The following NFIC variants were observed in gnomAD, a reference collection of about 807,000 sequenced individuals.
NFIC encodes the protein nuclear factor I C.
Under a neutral mutation model 54.4 loss-of-function variants are expected in NFIC, and 12 were observed. That is an observed-to-expected ratio of 0.22 (90% CI 0.14 to 0.36). NFIC has a LOEUF of 0.36. Ranked by LOEUF, NFIC falls within the 10% of genes least tolerant of loss-of-function variation. NFIC has a pLI of 1.00. For synonymous variants in NFIC, 322 were observed against 319.2 expected (o/e 1.01, Z -0.09); for missense variants, 575 against 718.2 (o/e 0.80, Z 2.28).
chr19:3,432,255 A>G (rs2082131373), intron 3 of NFIC, among the ~76,000 whole-genome samples: 1 of 152,018 alleles, frequency 6.6e-6, no homozygotes. Flanking sequence ...CCTTCCTTTA[A>G]TATTAGGTAG....
chr19:3,434,842 G>C (rs1338876589), intron 5 of NFIC, among the ~76,000 whole-genome samples: 3 of 152,132 alleles, frequency 2.0e-5, no homozygotes, highest in Non-Finnish European at 2.9e-5. Flanking sequence ...ATGCTAGCTT[G>C]GTGTCCGACC....
At chr19:3,396,455 G>C (rs376153656) in intron 2 of NFIC, among the ~76,000 whole-genome samples, 5 of 146,214 alleles carry the variant, frequency 3.4e-5, no homozygotes, top group African/African-American at 5.2e-5. Flanking sequence ...CGGGGCAACA[G>C]AGTGAGACTC....
intron 3 of NFIC, among the ~76,000 whole-genome samples, chr19:3,427,813 CAA>C (rs35768795): frequency 0.015 from 1,117 of 76,764 alleles, 14 homozygotes; most frequent in African/African-American, 0.047. Context: ...GAGACTCTGT[CAA>C]AAAAAAAAAA....
chr19:3,412,599 G>A (rs2081782168), intron 2 of NFIC, among the ~76,000 whole-genome samples: 1 of 151,984 alleles, frequency 6.6e-6, no homozygotes. Context: ...AACTGGGTTG[G>A]TGCATCCACA....
rs1203488556 is a variant in NFIC, at chr19:3,463,544, C to CG, written c.*776dup. On this transcript the variant is annotated 3_prime_UTR_variant, in exon 11 of 11. Transcript: ENST00000443272. ...GCCCCTCCCAAAGCGCCGGCCGACT[C>CG]GCTGTCTCGCTGGGGACTCTTTCAG... The CG allele has an allele frequency of 1.0e-6, 1 of 984,956 alleles. No homozygotes were observed. Among genetic ancestry groups the CG allele is most frequent in the Non-Finnish European group, 1.2e-6 (1 of 829,846 alleles). The allele number at this position is 984,956 out of a possible 1,614,324, so 61.0% of individuals were successfully genotyped here. A position where few individuals can be genotyped will look rare whatever the true frequency, so the allele number is the denominator to read the frequency against.
chr19:3,448,357 G>T (rs1326025090), intron 6 of NFIC, among the ~76,000 whole-genome samples: 1 of 152,226 alleles, frequency 6.6e-6, no homozygotes, highest in African/African-American at 2.4e-5. Flanking sequence ...ACAGGCATGA[G>T]CCACTGTGCC....
Position 3,400,623 on chromosome 19 carries a change from C to A in NFIC, c.562+18380C>A, listed in dbSNP as rs764717764. On this transcript the variant is annotated intron_variant, in intron 2 of 10. Transcript: ENST00000443272. ...TGGGGGGCCGAGGCGGGCAGATCAC[C>A]TGAGGTCAGGAGTTCAAGACCAGCC... Among the ~76,000 whole-genome samples, 85 of 151,690 alleles carry A rather than the reference C, an allele frequency of 5.6e-4. 1 individual carries two copies. Among genetic ancestry groups the A allele is most frequent in the Non-Finnish European group, 8.7e-4 (59 of 67,878 alleles).
Position 3,453,695 on chromosome 19 carries a change from G to A in NFIC, c.1270-68G>A. ...CGGGCCGTGCACAGAGCCGGGGGCGGCCGGCGCCAGCAGCCCGAGGTAGAG... is the reference window on the plus strand; with the variant it reads ...CGGGCCGTGCACAGAGCCGGGGGCGACCGGCGCCAGCAGCCCGAGGTAGAG... On this transcript the variant is annotated intron_variant, in intron 8 of 10. Transcript: ENST00000443272. The surrounding 1 kb of genome is among the most constrained non-coding windows in gnomAD (Gnocchi z 6.7). The A allele has an allele frequency of 2.0e-6, 3 of 1,521,206 alleles. No individual in the cohort carries two copies. The highest frequency in any genetic ancestry group is 2.6e-6 in the Non-Finnish European group (3 of 1,140,820). The allele number at this position is 1,521,206 out of a possible 1,614,324, so 94.2% of individuals were successfully genotyped here. A position where few individuals can be genotyped will look rare whatever the true frequency, so the allele number is the denominator to read the frequency against.
At chr19:3,393,026 C>T (rs146921835) in intron 2 of NFIC, among the ~76,000 whole-genome samples, 252 of 152,242 alleles carry the variant, frequency 1.7e-3, no homozygotes, top group Non-Finnish European at 2.2e-3. Flanking sequence ...CTGCAACCTC[C>T]GCCTCCTGAG....
intron 6 of NFIC, among the ~76,000 whole-genome samples, chr19:3,446,082 G>A (rs919726689): frequency 1.1e-4 from 17 of 152,116 alleles, no homozygotes; most frequent in African/African-American, 3.1e-4. Context: ...GAAATCCTGC[G>A]TGAATTATTT....
chr19:3,402,961 A>G (rs889361224), intron 2 of NFIC, among the ~76,000 whole-genome samples: 1 of 151,614 alleles, frequency 6.6e-6, no homozygotes, highest in Non-Finnish European at 1.5e-5. Flanking sequence ...CACTTTGACT[A>G]CTCCCCCAAA....
chr19:3,394,662 C>T (rs375640208), intron 2 of NFIC, among the ~76,000 whole-genome samples: 66 of 151,770 alleles, frequency 4.3e-4, no homozygotes, highest in African/African-American at 1.3e-3. Context: ...TCCCGACCCC[C>T]GGGCCACAGA....
chr19:3,436,268 C>T (rs1425933922), intron 6 of NFIC, among the ~76,000 whole-genome samples: 1 of 151,804 alleles, frequency 6.6e-6, no homozygotes, highest in Admixed American at 6.6e-5. Flanking sequence ...CCTCAGCCTC[C>T]CAAGTATCGG....
intron 9 of NFIC, 86 bp from the exon 10 acceptor site, chr19:3,456,464 G>A: frequency 7.6e-7 from 1 of 1,319,574 alleles, no homozygotes; most frequent in Non-Finnish European, 1.1e-6. Context: ...GTGACGCCTG[G>A]CGGTGGCCAC....
In NFIC at chr19:3,464,488, T is replaced by C. The variant is rs1242589285; in HGVS notation, c.*1719T>C. 1.0e-6 allele frequency: 1 copy of C among 972,852 alleles called. No individual in the cohort carries two copies. Among genetic ancestry groups the C allele is most frequent in the Middle Eastern group, 5.3e-4 (1 of 1,890 alleles). The allele number at this position is 972,852 out of a possible 1,614,324, so 60.3% of individuals were successfully genotyped here. A position where few individuals can be genotyped will look rare whatever the true frequency, so the allele number is the denominator to read the frequency against. On this transcript the variant is annotated 3_prime_UTR_variant, in exon 11 of 11. Transcript: ENST00000443272. The stretch of plus-strand genomic sequence containing the variant: ...GGCCTGGGAGGGGGTGTTAGGTGTT[T>C]TAGGGCCACCGAGCTCAAACACAAG...
chr19:3,416,358 G>A (rs1233107338), intron 2 of NFIC, among the ~76,000 whole-genome samples: 2 of 149,290 alleles, frequency 1.3e-5, no homozygotes, highest in South Asian at 2.1e-4. Flanking sequence ...ATAACTATAT[G>A]TCATATAGAT....
chr19:3,394,056 C>T, intron 2 of NFIC, among the ~76,000 whole-genome samples: 1 of 151,640 alleles, frequency 6.6e-6, no homozygotes, highest in Non-Finnish European at 1.5e-5. Context: ...AGTTCTCCTG[C>T]CTCAGCCTCC....
rs140257557 is a variant in NFIC at position 3,400,499 on chromosome 19, C to T, written c.562+18256C>T. On this transcript the variant is annotated intron_variant, in intron 2 of 10. Coordinates refer to ENST00000443272, the MANE Select transcript of NFIC (RefSeq NM_001245002.2). ...CTCAGAAAAAAAAAAATTCTGCCCT[C>T]GTGGAACTCACAGTTTGGTTCAGGC... Among the ~76,000 whole-genome samples the T allele has an allele frequency of 7.9e-5, 12 of 151,788 alleles. No homozygotes were observed. The South Asian group carries it at 1.5e-3, about 18-fold the overall frequency.
intron 3 of NFIC, among the ~76,000 whole-genome samples, chr19:3,426,232 T>A (rs75543798): frequency 6.8e-6 from 1 of 146,012 alleles, no homozygotes; most frequent in African/African-American, 2.6e-5. Context: ...CGCGCCTGGC[T>A]TTTTTTTTTA....
Sources: gnomAD v4.1 joint callset for allele counts (sites outside exome capture counted in the v4.1 genomes callset) on GRCh38, gnomAD v4.1.1 for gene constraint, Gnocchi (gnomAD v3.1) non-coding constraint, MANE v1.5 for transcripts, NCBI Gene and HGNC (gene_info 2026-07-23, HGNC 2026-07-21) for gene names.